The following DNTT variants were observed in gnomAD, a reference collection of about 807,000 sequenced individuals.
The protein encoded by DNTT is nucleosidetriphosphate:DNA deoxynucleotidylexotransferase.
DNTT carries 47 observed loss-of-function variants against 60.9 expected under a neutral mutation model. That is an observed-to-expected ratio of 0.77 (90% confidence interval 0.61 to 0.98). The LOEUF (loss-of-function observed/expected upper bound fraction) is 0.98, where lower values mean the gene tolerates loss of function less well. Ranked by LOEUF, DNTT falls within the 50% of genes least tolerant of loss-of-function variation. The pLI, the probability that DNTT is intolerant of heterozygous loss-of-function variation, is 0.00. For missense variants in DNTT, 665 were observed against 627.5 expected (o/e 1.06, Z -0.64); for synonymous variants, 224 against 221.2 (o/e 1.01, Z -0.11).
rs191612496 is a variant in DNTT at position 96,327,429 on chromosome 10, G to A, written c.875-39G>A. 23 of 1,613,932 alleles carry A rather than the reference G, an allele frequency of 1.4e-5. No homozygotes were observed. The Admixed American group carries it at 2.0e-4, about 14-fold the overall frequency. On this transcript the variant is annotated intron_variant, in intron 6 of 10. Transcript: ENST00000371174. ...ACTGAGGGCTGGTTGTTTCACACAC[G>A]TGTCACTCTCTCCATTGACCTGTCA...
Position 96,322,656 on chromosome 10 carries a change from G to T in DNTT, c.679-1G>T. The T allele has an allele frequency of 6.2e-7, 1 of 1,600,046 alleles. No homozygotes were observed. Among genetic ancestry groups the T allele is most frequent in the African/African-American group, 1.3e-5 (1 of 74,796 alleles). On this transcript the variant is annotated splice_acceptor_variant, in intron 4 of 10. Transcript: ENST00000371174. LOFTEE classifies it high-confidence loss of function. ...TAAAATATTTTTCAACTGTCCATTA[G>T]GAGATTATTGAAGATGGAGAAAGTT...
At chr10:96,323,168 G>C (rs1430009433) in intron 5 of DNTT, among the ~76,000 whole-genome samples, 1 of 152,254 alleles carries the variant, frequency 6.6e-6, no homozygotes, top group African/African-American at 2.4e-5. Flanking sequence ...GTGTGGTGAG[G>C]CATGCCTGTA....
At chr10:96,307,343 G>GTTTTTTTTTTTT (rs533516556) in intron 1 of DNTT, among the ~76,000 whole-genome samples, 1 of 67,606 alleles carries the variant, frequency 1.5e-5, no homozygotes, top group African/African-American at 6.4e-5. Flanking sequence ...GGGTTTTCCA[G>GTTTTTTTTTTTT]TTTTTTTTTT....
rs377713154 is a variant in DNTT at position 96,316,822 on chromosome 10, GT to G, written c.204-1527del. On this transcript the variant is annotated intron_variant, in intron 1 of 10. Transcript: ENST00000371174. Reference sequence around the variant, plus strand: ...TCATAATTCACATCATAAGCCATCTGTTTCATGTAACATACTAGTGTCTAGT... The same window carrying G: ...TCATAATTCACATCATAAGCCATCTGTTCATGTAACATACTAGTGTCTAGT... 6.9e-3 allele frequency among the ~76,000 whole-genome samples: 1,052 copies of G among 152,244 alleles called. 19 individuals carry two copies. The highest frequency in any genetic ancestry group is 0.023 in the African/African-American group (971 of 41,524).
chr10:96,326,186 A>T (rs1015297838), intron 6 of DNTT, among the ~76,000 whole-genome samples: 55 of 152,148 alleles, frequency 3.6e-4, no homozygotes, highest in African/African-American at 1.3e-3. Flanking sequence ...GTGGTTACCC[A>T]GTGAGTTGTA....
At chr10:96,318,318 G>C in intron 1 of DNTT, 34 bp from the exon 2 acceptor site, 1 of 1,583,238 alleles carries the variant, frequency 6.3e-7, no homozygotes, top group Non-Finnish European at 8.6e-7. Flanking sequence ...TTTGAAAGAT[G>C]TTTCAGCTGG....
chr10:96,322,539 T>C (rs984021482), intron 4 of DNTT, 118 bp from the exon 5 acceptor site: 9 of 625,828 alleles, frequency 1.4e-5, no homozygotes, highest in African/African-American at 1.3e-4. Flanking sequence ...GAAATACCCC[T>C]GCATGTGATG....
intron 9 of DNTT, among the ~76,000 whole-genome samples, chr10:96,335,187 C>A (rs924625321): frequency 2.6e-5 from 4 of 152,218 alleles, no homozygotes; most frequent in African/African-American, 9.7e-5. Context: ...GTCTCCATGA[C>A]AATTCGTTGC....
chr10:96,313,879 A>T (rs1003741594), intron 1 of DNTT, among the ~76,000 whole-genome samples: 15 of 152,136 alleles, frequency 9.9e-5, no homozygotes, highest in Admixed American at 6.5e-4. Flanking sequence ...GGATGGTGAC[A>T]GGCCAGAATT....
chr10:96,335,787 A>G (rs1845061054), intron 9 of DNTT, 104 bp from the exon 10 acceptor site: 1 of 1,329,128 alleles, frequency 7.5e-7, no homozygotes, highest in East Asian at 2.3e-5. Flanking sequence ...AATCACTTTG[A>G]GAATGTTTAG....
intron 6 of DNTT, among the ~76,000 whole-genome samples, chr10:96,324,756 T>C (rs1045581586): frequency 6.6e-6 from 1 of 152,228 alleles, no homozygotes; most frequent in Non-Finnish European, 1.5e-5. Context: ...GCTGCTGATC[T>C]GGTCCTTACT....
intron 10 of DNTT, 26 bp from the exon 11 acceptor site, chr10:96,338,112 G>A (rs372105236): frequency 6.3e-7 from 1 of 1,589,250 alleles, no homozygotes; most frequent in South Asian, 1.1e-5. Flanking sequence ...ATATCTGAAT[G>A]CACATATTTC....
intron 8 of DNTT, among the ~76,000 whole-genome samples, chr10:96,331,266 T>C (rs1845003294): frequency 6.6e-6 from 1 of 152,222 alleles, no homozygotes; most frequent in African/African-American, 2.4e-5. Context: ...TTTGGCTGGT[T>C]AAACCTGGTC....
rs56838373 is a variant in DNTT at position 96,323,574 on chromosome 10, TG to T, written c.751-685del. On this transcript the variant is annotated intron_variant, in intron 5 of 10. Coordinates refer to ENST00000371174, the MANE Select transcript of DNTT (RefSeq NM_004088.4). ...CAAACATCATGGGACATGAGGACCA[TG>T]GGGGGGTTGGTGGGGACAGGACGGA... Among the ~76,000 whole-genome samples the T allele has an allele frequency of 1.4e-4, 21 of 152,004 alleles. No individual in the cohort carries two copies. In the East Asian group the frequency reaches 3.5e-3, roughly 25 times the overall value.
chr10:96,308,883 A>G (rs2133982664), intron 1 of DNTT, among the ~76,000 whole-genome samples: 1 of 152,306 alleles, frequency 6.6e-6, no homozygotes, highest in South Asian at 2.1e-4. Flanking sequence ...GGCAGAAACA[A>G]ATCACAATGG....
chr10:96,319,329 A>T lies in DNTT; in HGVS notation c.446A>T (p.Lys149Met). The change falls in exon 3 of 11, where the codon AAG becomes ATG. Residue 149 changes from lysine (K) to methionine (M), a missense_variant. Physicochemically the swap from Lys to Met is moderately conservative, Grantham distance 95. Transcript: ENST00000371174. ...AAGACTCCACCAATTGCTGTACAAAAGATCTCCCAGTATGCGTGTCAGAGA... is the reference window on the plus strand; with the variant it reads ...AAGACTCCACCAATTGCTGTACAAATGATCTCCCAGTATGCGTGTCAGAGA... ...PPKTPPIAVQ[K>M]ISQYACQRRT... The T allele has an allele frequency of 6.2e-7, 1 of 1,613,940 alleles. No individual in the cohort carries two copies. The highest frequency in any genetic ancestry group is 8.5e-7 in the Non-Finnish European group (1 of 1,179,828).
chr10:96,334,580 T>C (rs561576119), intron 9 of DNTT, among the ~76,000 whole-genome samples: 3 of 152,316 alleles, frequency 2.0e-5, no homozygotes, highest in Admixed American at 6.5e-5. Flanking sequence ...CAGCCGTGGG[T>C]TAAATGTCAG....
At chr10:96,319,452 C>T (rs1844838116) in intron 3 of DNTT, 62 bp downstream of exon 3, 1 of 1,592,638 alleles carries the variant, frequency 6.3e-7, no homozygotes, top group Admixed American at 1.8e-5. Flanking sequence ...TTTCTGTGGA[C>T]CGCAAATTAA....
At chr10:96,321,444 G>A (rs1167368617) in intron 4 of DNTT, among the ~76,000 whole-genome samples, 1 of 152,120 alleles carries the variant, frequency 6.6e-6, no homozygotes, top group Non-Finnish European at 1.5e-5. Context: ...GGAGTTGTAT[G>A]CATGCTCACC....
Sources: gnomAD v4.1 joint callset for allele counts (sites outside exome capture counted in the v4.1 genomes callset) on GRCh38, gnomAD v4.1.1 for gene constraint, MANE v1.5 for transcripts, NCBI Gene and HGNC (gene_info 2026-07-23, HGNC 2026-07-21) for gene names.